ANO4: variants seen among roughly 807,000 people sequenced by gnomAD.
ANO4 encodes the protein anoctamin-4.
ANO4 carries 69 observed loss-of-function variants against 141.9 expected under a neutral mutation model. The ratio of observed to expected loss-of-function variants is 0.49; its 90% CI spans 0.40 to 0.59. The LOEUF (loss-of-function observed/expected upper bound fraction) is 0.59. Ranked by LOEUF, ANO4 falls within the 20% of genes least tolerant of loss-of-function variation. ANO4 has a pLI of 0.00. For synonymous variants in ANO4, 350 were observed against 394.3 expected, an observed-to-expected ratio of 0.89 and a Z score of 1.33; for missense variants, 894 against 1,162.2, an observed-to-expected ratio of 0.77 and a Z score of 3.36.
chr12:101,006,217 C>T (rs981403997), intron 8 of ANO4, among the ~76,000 whole-genome samples: 10 of 152,182 alleles, frequency 6.6e-5, no homozygotes, highest in African/African-American at 1.4e-4. Flanking sequence ...GCAGAAAGCA[C>T]GTTAGAATAC....
chr12:100,982,810 A>G (rs950950683), intron 7 of ANO4, among the ~76,000 whole-genome samples: 2 of 152,256 alleles, frequency 1.3e-5, no homozygotes, highest in African/African-American at 4.8e-5. Context: ...ACTAAAGGTT[A>G]TCATTAATTC....
At chr12:100,789,120 C>G (rs76229972) in intron 3 of ANO4, among the ~76,000 whole-genome samples, 6,811 of 152,036 alleles carry the variant, frequency 0.045, 526 homozygotes, top group African/African-American at 0.15. Context: ...ATTAGAGGCT[C>G]AAAAATATAA....
At chr12:100,776,616 A>G (rs1021760877) in intron 3 of ANO4, among the ~76,000 whole-genome samples, 1 of 152,198 alleles carries the variant, frequency 6.6e-6, no homozygotes, top group Admixed American at 6.5e-5. Context: ...TGAATTTGCC[A>G]TAAAAATAAT....
At chr12:100,910,342 T>C (rs1313782424) in intron 2 of ANO4, among the ~76,000 whole-genome samples, 1 of 152,162 alleles carries the variant, frequency 6.6e-6, no homozygotes, top group African/African-American at 2.4e-5. Flanking sequence ...CCCAGTTAAC[T>C]TGTGCTAGAA....
At chr12:100,916,499 AG>A (rs1202672612) in intron 2 of ANO4, among the ~76,000 whole-genome samples, 1 of 152,176 alleles carries the variant, frequency 6.6e-6, no homozygotes, top group Non-Finnish European at 1.5e-5. Flanking sequence ...AGGAGATAAA[AG>A]GGGGATACAG....
chr12:101,062,498 C>G (rs2048393017), intron 14 of ANO4, among the ~76,000 whole-genome samples: 1 of 152,188 alleles, frequency 6.6e-6, no homozygotes, highest in Non-Finnish European at 1.5e-5. Context: ...ACTGCTTCCC[C>G]CAGGTGCTCT....
chr12:101,063,218 C>T (rs2048425682), intron 14 of ANO4, among the ~76,000 whole-genome samples: 4 of 152,204 alleles, frequency 2.6e-5, no homozygotes, highest in African/African-American at 4.8e-5. Context: ...GCTGTACCCA[C>T]TGTCTAACCA....
chr12:100,906,032 A>G (rs756541810), intron 2 of ANO4, among the ~76,000 whole-genome samples: 45 of 152,178 alleles, frequency 3.0e-4, no homozygotes, highest in Non-Finnish European at 4.9e-4. Context: ...GAGAGGGGAA[A>G]TATGTTTGCC....
At chr12:100,856,801 G>A (rs1452369174) in intron 1 of ANO4, among the ~76,000 whole-genome samples, 2 of 152,102 alleles carry the variant, frequency 1.3e-5, no homozygotes, top group Non-Finnish European at 2.9e-5. Flanking sequence ...GAGGCAGAGA[G>A]TGGCAGGATA....
exon 3 of ANO4, chr12:100,740,002 G>A: frequency 2.8e-6 from 2 of 702,554 alleles, no homozygotes; most frequent in East Asian, 5.4e-5. Context: ...TCACCCGCAA[G>A]ACTGACCAGG....
At chr12:101,056,874 C>T (rs1173956813) in intron 14 of ANO4, among the ~76,000 whole-genome samples, 3 of 150,262 alleles carry the variant, frequency 2.0e-5, no homozygotes, top group Non-Finnish European at 3.0e-5. Context: ...TTTTTTTATA[C>T]TTCAAGTTCT....
chr12:101,010,104 CT>C (rs1347062691), intron 8 of ANO4, among the ~76,000 whole-genome samples: 1 of 152,108 alleles, frequency 6.6e-6, no homozygotes, highest in Non-Finnish European at 1.5e-5. Flanking sequence ...ATAGATCTGT[CT>C]GCTTGGCACA....
Position 100,987,675 on chromosome 12 carries a change from G to T in ANO4, c.734+5G>T, listed in dbSNP as rs1469674789. ...CAGCCAGCAAAGGATCCATCAGTGAGTGTTCCATGTTAAAGCCCCATCTCA... is the reference window on the plus strand; with the variant it reads ...CAGCCAGCAAAGGATCCATCAGTGATTGTTCCATGTTAAAGCCCCATCTCA... On this transcript the variant is annotated splice_donor_5th_base_variant and intron_variant, in intron 8 of 27. Transcript: ENST00000392977. 6.2e-7 allele frequency: 1 copy of T among 1,613,626 alleles called. No individual in the cohort carries two copies. Among genetic ancestry groups the T allele is most frequent in the Non-Finnish European group, 8.5e-7 (1 of 1,179,828 alleles).
chr12:101,064,660 TATTATA>T (rs140173260), intron 14 of ANO4, among the ~76,000 whole-genome samples: 27,594 of 122,242 alleles, frequency 0.23, 2,703 homozygotes, highest in Admixed American at 0.25. Flanking sequence ...GAACTTAAAG[TATTATA>T]ATAATAATAA....
At chr12:100,925,495 G>T (rs531340247) in intron 3 of ANO4, among the ~76,000 whole-genome samples, 2 of 151,550 alleles carry the variant, frequency 1.3e-5, no homozygotes, top group Non-Finnish European at 2.9e-5. Flanking sequence ...TGTCCTGTCG[G>T]GGGGTGGGGG....
intron 8 of ANO4, among the ~76,000 whole-genome samples, chr12:101,012,845 G>A (rs149238492): frequency 3.3e-5 from 5 of 152,230 alleles, no homozygotes; most frequent in Admixed American, 2.0e-4. Context: ...GATAATATTT[G>A]GGAAGAGGAG....
chr12:101,125,706 C>T (rs1193651920), intron 26 of ANO4, among the ~76,000 whole-genome samples: 1 of 152,162 alleles, frequency 6.6e-6, no homozygotes. Context: ...TACTGATTTG[C>T]ATATGTTGAA....
chr12:100,841,417 C>G (rs78504750), intron 1 of ANO4, among the ~76,000 whole-genome samples: 5 of 152,274 alleles, frequency 3.3e-5, no homozygotes, highest in African/African-American at 9.6e-5. Flanking sequence ...CTATATCCCA[C>G]AGAGCTCGTA....
intron 2 of ANO4, among the ~76,000 whole-genome samples, chr12:100,739,259 G>A (rs1230671592): frequency 6.6e-6 from 1 of 151,806 alleles, no homozygotes. Flanking sequence ...CCAAATTCAT[G>A]TTACCTTCCC....
Sources: gnomAD v4.1 joint callset for allele counts (sites outside exome capture counted in the v4.1 genomes callset) on GRCh38, gnomAD v4.1.1 for gene constraint, MANE v1.5 for transcripts, NCBI Gene and HGNC (gene_info 2026-07-23, HGNC 2026-07-21) for gene names.